Variants in BRINP1 observed in about 807,000 individuals in gnomAD.
BRINP1 encodes the protein BMP/retinoic acid inducible neural specific 1, also known as BMP/retinoic acid-inducible neural-specific protein 1.
BRINP1 carries 17 observed loss-of-function variants against 72.9 expected under a neutral mutation model. The observed-to-expected ratio is 0.23, with a 90% CI of 0.16 to 0.35. The LOEUF (loss-of-function observed/expected upper bound fraction) is 0.35. BRINP1 is among the 10% of genes least tolerant of loss of function. The probability of loss-of-function intolerance (pLI) is 1.00; values close to 1 mark genes in which losing one functional copy is unlikely to be tolerated. For synonymous variants in BRINP1, 418 were observed against 378.5 expected (o/e 1.10, Z -1.21); for missense variants, 850 against 1,001.6 (o/e 0.85, Z 2.04).
chr9:119,169,610 G>C lies in BRINP1; in HGVS notation c.1146-1386C>G, dbSNP rs1440341191. Among the ~76,000 whole-genome samples, 4 of 152,360 alleles carry C rather than the reference G, an allele frequency of 2.6e-5. No individual in the cohort carries two copies. In the South Asian group the frequency reaches 6.2e-4, roughly 24 times the overall value. ...GGTAAACAAAGCAGCCGGGAAGCTC[G>C]AACTGGGTGGAGCCCACCACAGCTC... On this transcript the variant is annotated intron_variant, in intron 7 of 7. Coordinates refer to ENST00000265922, the MANE Select transcript of BRINP1 (RefSeq NM_014618.3).
At chr9:119,178,470 G>GA (rs1422752095) in intron 7 of BRINP1, among the ~76,000 whole-genome samples, 2 of 152,154 alleles carry the variant, frequency 1.3e-5, no homozygotes, top group African/African-American at 4.8e-5. Flanking sequence ...CAATAATGAG[G>GA]AAAAACCCTC....
At chr9:119,272,347 C>T (rs1226589186) in intron 2 of BRINP1, among the ~76,000 whole-genome samples, 4 of 152,016 alleles carry the variant, frequency 2.6e-5, no homozygotes, top group African/African-American at 4.8e-5. Context: ...CCTCCCAAAG[C>T]GCTGGGATTA....
chr9:119,354,941 T>C (rs909322752), intron 1 of BRINP1, among the ~76,000 whole-genome samples: 8 of 152,172 alleles, frequency 5.3e-5, no homozygotes, highest in Non-Finnish European at 1.2e-4. Context: ...AGGCCAAGAT[T>C]GAGCAAAACA....
chr9:119,279,414 C>A (rs1190618148), intron 2 of BRINP1, among the ~76,000 whole-genome samples: 1 of 152,210 alleles, frequency 6.6e-6, no homozygotes, highest in South Asian at 2.1e-4. Flanking sequence ...ATTCATCCAC[C>A]ATCTCCCTGA....
At chr9:119,358,007 CT>C in intron 1 of BRINP1, among the ~76,000 whole-genome samples, 2 of 152,322 alleles carry the variant, frequency 1.3e-5, no homozygotes, top group Admixed American at 1.3e-4. Flanking sequence ...GAACCTGATG[CT>C]CTCACTTATT....
At chr9:119,353,267 T>C (rs1831523360) in intron 1 of BRINP1, among the ~76,000 whole-genome samples, 1 of 152,226 alleles carries the variant, frequency 6.6e-6, no homozygotes, top group Non-Finnish European at 1.5e-5. Flanking sequence ...TCCTCTTCCT[T>C]ATTTTTCATT....
At chr9:119,304,293 T>C (rs1830972551) in intron 2 of BRINP1, among the ~76,000 whole-genome samples, 1 of 152,170 alleles carries the variant, frequency 6.6e-6, no homozygotes, top group South Asian at 2.1e-4. Flanking sequence ...GTGCCTAAGA[T>C]TTCACAGGTA....
intron 2 of BRINP1, among the ~76,000 whole-genome samples, chr9:119,272,112 C>G (rs1286604453): frequency 3.3e-5 from 5 of 149,570 alleles, no homozygotes; most frequent in African/African-American, 1.2e-4. Context: ...AAAAAAACAG[C>G]CTGTCACTCA....
intron 1 of BRINP1, among the ~76,000 whole-genome samples, chr9:119,337,230 T>C (rs1016839420): frequency 1.3e-5 from 2 of 152,138 alleles, no homozygotes; most frequent in African/African-American, 2.4e-5. Flanking sequence ...CTGCAGAGAA[T>C]GCAAACTCAA....
At chr9:119,359,009 T>A (rs569121003) in intron 1 of BRINP1, among the ~76,000 whole-genome samples, 1 of 152,328 alleles carries the variant, frequency 6.6e-6, no homozygotes, top group East Asian at 1.9e-4. Context: ...TTCTACATGT[T>A]ATTTCCAGTT....
intron 1 of BRINP1, among the ~76,000 whole-genome samples, chr9:119,318,761 A>T (rs1274911089): frequency 6.6e-6 from 1 of 152,052 alleles, no homozygotes; most frequent in Non-Finnish European, 1.5e-5. Context: ...CTTAGCTGTT[A>T]GACTGTTTGC....
At chr9:119,357,254 CAT>C (rs1491165663) in intron 1 of BRINP1, among the ~76,000 whole-genome samples, 1 of 152,126 alleles carries the variant, frequency 6.6e-6, no homozygotes, top group African/African-American at 2.4e-5. Flanking sequence ...TGTGCACGTG[CAT>C]GTGTGTGTGT....
intron 1 of BRINP1, among the ~76,000 whole-genome samples, chr9:119,327,856 G>C (rs1831255032): frequency 6.6e-6 from 1 of 152,040 alleles, no homozygotes; most frequent in Admixed American, 6.6e-5. Flanking sequence ...TTGCATTTGA[G>C]GTGTCCATTG....
chr9:119,322,092 T>C (rs1326670538), intron 1 of BRINP1, among the ~76,000 whole-genome samples: 1 of 152,228 alleles, frequency 6.6e-6, no homozygotes, highest in Non-Finnish European at 1.5e-5. Context: ...TACATTTCCA[T>C]GTTCAAGGGC....
At chr9:119,321,250 A>T (rs1041789729) in intron 1 of BRINP1, among the ~76,000 whole-genome samples, 1 of 152,036 alleles carries the variant, frequency 6.6e-6, no homozygotes, top group Admixed American at 6.5e-5. Context: ...CATTTTATAC[A>T]TGGTGAGGAG....
intron 1 of BRINP1, among the ~76,000 whole-genome samples, chr9:119,316,962 G>A (rs567221534): frequency 5.7e-4 from 85 of 149,152 alleles, no homozygotes; most frequent in South Asian, 1.2e-3. Flanking sequence ...ATGGTGGTGC[G>A]CACCTGTAGT....
intron 5 of BRINP1, among the ~76,000 whole-genome samples, chr9:119,225,210 G>A (rs1026603550): frequency 1.3e-5 from 2 of 151,950 alleles, no homozygotes; most frequent in African/African-American, 2.4e-5. Context: ...GCCATAAAAC[G>A]GAATGAAGTA....
intron 2 of BRINP1, among the ~76,000 whole-genome samples, chr9:119,293,003 C>T (rs189381544): frequency 1.3e-5 from 2 of 152,236 alleles, no homozygotes; most frequent in East Asian, 1.9e-4. Flanking sequence ...TACTATATAT[C>T]GGGCACTTTT....
In BRINP1 at chr9:119,179,148, G is replaced by A. The variant is rs572357014; in HGVS notation, c.1146-10924C>T. The stretch of plus-strand genomic sequence containing the variant: ...CAGCTTAATAGGCTGCTTCAGAGGG[G>A]AGGGTCTCACAAAGGCTGACACAAC... On this transcript the variant is annotated intron_variant, in intron 7 of 7. Coordinates refer to ENST00000265922, the MANE Select transcript of BRINP1 (RefSeq NM_014618.3). 3.9e-5 allele frequency among the ~76,000 whole-genome samples: 6 copies of A among 152,262 alleles called. No homozygotes were observed. In the South Asian group the frequency reaches 1.2e-3, roughly 32 times the overall value.
Sources: gnomAD v4.1 joint callset for allele counts (sites outside exome capture counted in the v4.1 genomes callset) on GRCh38, gnomAD v4.1.1 for gene constraint, MANE v1.5 for transcripts, NCBI Gene and HGNC (gene_info 2026-07-23, HGNC 2026-07-21) for gene names.